The following CELF2 variants were observed in gnomAD, a reference collection of about 807,000 sequenced individuals.
The protein encoded by CELF2 is CUG triplet repeat RNA-binding protein 2.
A neutral mutation model predicts 62.6 loss-of-function variants in CELF2; 8 were observed. The observed-to-expected ratio is 0.13, with a 90% CI of 0.07 to 0.23. CELF2 has a LOEUF of 0.23. CELF2 is among the 10% of genes least tolerant of loss of function. CELF2 has a pLI of 1.00. For synonymous variants in CELF2, 258 were observed against 250.0 expected, an observed-to-expected ratio of 1.03 and a Z score of -0.30; for missense variants, 333 against 671.0, an observed-to-expected ratio of 0.50 and a Z score of 5.56.
At chr10:10,641,721 T>C in the CELF2 span, among the ~76,000 whole-genome samples, 1 of 152,162 alleles carries the variant, frequency 6.6e-6, no homozygotes. Context: ...AGTGCTGGGA[T>C]TTCAGGAGTG....
rs1358562397 is a variant in CELF2 at position 11,242,835 on chromosome 10, C to T, written c.355-6318C>T. On this transcript the variant is annotated intron_variant, in intron 3 of 12. Transcript: ENST00000633077. This position sits in a 1 kb window ranked among gnomAD's most constrained non-coding sequence, Gnocchi z 4.8. Reference sequence around the variant, plus strand: ...GGTGGGAGGACCATGGGCTGCTTATCCCCAGGAGGTGGGACGAAGGGGGAG... The same window carrying T: ...GGTGGGAGGACCATGGGCTGCTTATTCCCAGGAGGTGGGACGAAGGGGGAG... Among the ~76,000 whole-genome samples, 1 of 151,966 alleles carries T rather than the reference C, an allele frequency of 6.6e-6. No homozygotes were observed. Among genetic ancestry groups the T allele is most frequent in the African/African-American group, 2.4e-5 (1 of 41,358 alleles).
chr10:10,991,356 A>G (rs984045347), intron 2 of CELF2, among the ~76,000 whole-genome samples: 7 of 152,204 alleles, frequency 4.6e-5, no homozygotes, highest in African/African-American at 1.7e-4. Flanking sequence ...TGACAGGCCT[A>G]TGAGGCACAC....
the CELF2 span, among the ~76,000 whole-genome samples, chr10:10,466,616 A>G: frequency 6.6e-6 from 1 of 152,256 alleles, no homozygotes; most frequent in Non-Finnish European, 1.5e-5. Flanking sequence ...AATGTATAAG[A>G]AAAAACCCAG....
At chr10:10,940,274 G>A (rs549084361) in intron 2 of CELF2, among the ~76,000 whole-genome samples, 59 of 152,228 alleles carry the variant, frequency 3.9e-4, no homozygotes, top group African/African-American at 1.3e-3. Flanking sequence ...TACAAGATTA[G>A]CATATGTTTA....
At chr10:10,874,175 C>T (rs899950678) in intron 1 of CELF2, among the ~76,000 whole-genome samples, 1 of 152,038 alleles carries the variant, frequency 6.6e-6, no homozygotes, top group Non-Finnish European at 1.5e-5. Context: ...GTAAATTAGC[C>T]AGGCATGGTG....
chr10:11,045,005 A>C (rs901554126), intron 1 of CELF2, among the ~76,000 whole-genome samples: 2 of 152,218 alleles, frequency 1.3e-5, no homozygotes, highest in African/African-American at 4.8e-5. Context: ...ATTTAATAGA[A>C]TAGCCAAAAA....
At chr10:11,257,326 A>G (rs374519400) in intron 4 of CELF2, among the ~76,000 whole-genome samples, 9 of 120,930 alleles carry the variant, frequency 7.4e-5, no homozygotes, top group African/African-American at 2.9e-4. Context: ...TCAGGTTAAA[A>G]GACCATCTAC....
At chr10:11,245,807 C>T (rs1439030805) in intron 3 of CELF2, among the ~76,000 whole-genome samples, 1 of 152,228 alleles carries the variant, frequency 6.6e-6, no homozygotes. Context: ...GAGTGTGTGT[C>T]TGCCCTCTTC....
intron 1 of CELF2, among the ~76,000 whole-genome samples, chr10:11,089,204 A>G (rs1487797257): frequency 6.6e-6 from 1 of 152,206 alleles, no homozygotes; most frequent in African/African-American, 2.4e-5. Flanking sequence ...GCAAAAGAGC[A>G]TGTGGGATGG....
At position 11,273,003 on chromosome 10, in the gene CELF2, T is replaced by G. The variant is rs545085828; in HGVS notation, c.778-2054T>G. Among the ~76,000 whole-genome samples the G allele has an allele frequency of 3.3e-5, 5 of 152,248 alleles. No homozygotes were observed. In the South Asian group the frequency reaches 6.2e-4, roughly 19 times the overall value. On this transcript the variant is annotated intron_variant, in intron 7 of 12. Transcript: ENST00000633077. The stretch of plus-strand genomic sequence containing the variant: ...AGCAAATCAAACCGAAATAAGGCCT[T>G]GCTATTACAGTGGGCAGTCCCTAGC...
chr10:10,736,958 G>C, the CELF2 span, among the ~76,000 whole-genome samples: 1 of 152,086 alleles, frequency 6.6e-6, no homozygotes, highest in African/African-American at 2.4e-5. Flanking sequence ...ACTCAAGCAG[G>C]ATGAGCTGGC....
chr10:10,677,237 CA>C, the CELF2 span, among the ~76,000 whole-genome samples: 2 of 152,204 alleles, frequency 1.3e-5, no homozygotes, highest in South Asian at 4.1e-4. Flanking sequence ...ACCATTTATA[CA>C]CTGACTGAGT....
At chr10:11,279,822 T>C (rs1440353938) in intron 8 of CELF2, among the ~76,000 whole-genome samples, 1 of 152,188 alleles carries the variant, frequency 6.6e-6, no homozygotes, top group Non-Finnish European at 1.5e-5. Flanking sequence ...GAGAAGGATA[T>C]TTTTCCCCAA....
intron 2 of CELF2, among the ~76,000 whole-genome samples, chr10:10,921,334 A>G (rs867705000): frequency 6.7e-6 from 1 of 149,286 alleles, no homozygotes; most frequent in Non-Finnish European, 1.5e-5. Flanking sequence ...CAGTGGCACG[A>G]TCTCGGCTCA....
At chr10:10,894,157 C>CA (rs145415817) in intron 1 of CELF2, among the ~76,000 whole-genome samples, 17 of 150,026 alleles carry the variant, frequency 1.1e-4, no homozygotes, top group Non-Finnish European at 2.1e-4. Context: ...TCATTTTGGG[C>CA]AAAAAAAAGA....
chr10:11,123,007 A>T (rs192375418), intron 1 of CELF2, among the ~76,000 whole-genome samples: 1 of 152,310 alleles, frequency 6.6e-6, no homozygotes, highest in East Asian at 1.9e-4. Flanking sequence ...AGTTTGGAAT[A>T]TAAGTTCCCG....
At chr10:11,114,925 A>G (rs889802012) in intron 1 of CELF2, among the ~76,000 whole-genome samples, 7 of 152,178 alleles carry the variant, frequency 4.6e-5, no homozygotes, top group Non-Finnish European at 8.8e-5. Flanking sequence ...GATTTTCTGT[A>G]TGTAATTCTG....
the CELF2 span, among the ~76,000 whole-genome samples, chr10:10,718,788 T>C: frequency 6.6e-6 from 1 of 152,226 alleles, no homozygotes. Flanking sequence ...AGGTTTCCTA[T>C]AAATGGTAAG....
At chr10:10,971,669 C>T (rs2050769934) in intron 2 of CELF2, among the ~76,000 whole-genome samples, 1 of 152,218 alleles carries the variant, frequency 6.6e-6, no homozygotes, top group African/African-American at 2.4e-5. Context: ...TCACTACAAA[C>T]TGTGCCTCCC....
Sources: gnomAD v4.1 joint callset for allele counts (sites outside exome capture counted in the v4.1 genomes callset) on GRCh38, gnomAD v4.1.1 for gene constraint, Gnocchi (gnomAD v3.1) non-coding constraint, MANE v1.5 for transcripts, NCBI Gene and HGNC (gene_info 2026-07-23, HGNC 2026-07-21) for gene names.